ABCF1: variants seen among roughly 807,000 people sequenced by gnomAD.
ABCF1 encodes ATP binding cassette subfamily F member 1.
A neutral mutation model predicts 126.3 loss-of-function variants in ABCF1; 73 were observed. The ratio of observed to expected loss-of-function variants is 0.58; its 90% CI spans 0.48 to 0.70. The LOEUF is 0.70. ABCF1 is among the 30% of genes least tolerant of loss of function. The probability of loss-of-function intolerance (pLI) is 0.00; values close to 1 mark genes in which losing one functional copy is unlikely to be tolerated. For missense variants in ABCF1, 786 were observed against 1,057.5 expected, an observed-to-expected ratio of 0.74 and a Z score of 3.56; for synonymous variants, 345 against 396.4, an observed-to-expected ratio of 0.87 and a Z score of 1.54.
rs1371044290 is a variant in ABCF1, at chr6:30,584,285, G to A, written c.1196G>A (p.Gly399Glu). The A allele has an allele frequency of 6.2e-7, 1 of 1,613,100 alleles. No homozygotes were observed. Among genetic ancestry groups the A allele is most frequent in the East Asian group, 2.2e-5 (1 of 44,884 alleles). Residue 399 changes from glycine to glutamate, a missense_variant, in exon 13 of 25, where the codon GGA (glycine) becomes GAA (glutamate). Gly to Glu is a moderately conservative substitution (Grantham distance 98, BLOSUM62 -2). This residue lies in a region of ABCF1 where 163 missense variants were observed against 255.3 expected (regional missense o/e 0.64). Coordinates refer to ENST00000326195, the MANE Select transcript of ABCF1 (RefSeq NM_001025091.2). The surrounding 1 kb of genome is among the most constrained non-coding windows in gnomAD (Gnocchi z 4.6). The stretch of plus-strand genomic sequence containing the variant: ...CTGGAAGAGGAGCGGCGGCTTCAGG[G>A]ACAGCTGGAACAAGGGGATGACACA... Reference protein sequence around the residue: ...KLLEEERRLQGQLEQGDDTAA... With the variant: ...KLLEEERRLQEQLEQGDDTAA...
Position 30,578,476 on chromosome 6 carries a change from A to G in ABCF1, c.388A>G (p.Asn130Asp). The change falls in exon 6 of 25, where the codon AAT becomes GAT. Residue 130 changes from asparagine (N) to aspartate (D), a missense_variant. Asn to Asp is a conservative substitution (Grantham distance 23, BLOSUM62 1). This residue lies in a region of ABCF1 where 322 missense variants were observed against 322.9 expected (regional missense o/e 1.00). Coordinates refer to ENST00000326195, the MANE Select transcript of ABCF1 (RefSeq NM_001025091.2). ...TGGCCCTTTCATTCTCTAGGGTGGT[A>G]ATGTTTTTGCAGCCCTGATTCAGGA... ...PRGGKKTKGG[N>D]VFAALIQDQS... 1 of 1,613,996 alleles carries G rather than the reference A, an allele frequency of 6.2e-7. No individual in the cohort carries two copies. The highest frequency in any genetic ancestry group is 1.1e-5 in the South Asian group (1 of 91,072).
chr6:30,576,206 A>C (rs993973892), intron 1 of ABCF1, among the ~76,000 whole-genome samples: 1 of 150,160 alleles, frequency 6.7e-6, no homozygotes, highest in Non-Finnish European at 1.5e-5. Context: ...TGCCTCCTTA[A>C]TTAATAAATG....
In ABCF1 at chr6:30,584,129, G is replaced by A; in HGVS notation, c.1103-63G>A. 6.4e-7 allele frequency: 1 copy of A among 1,563,490 alleles called. No homozygotes were observed. The highest frequency in any genetic ancestry group is 8.6e-7 in the Non-Finnish European group (1 of 1,158,268). On this transcript the variant is annotated intron_variant, in intron 12 of 24. Transcript: ENST00000326195. This position sits in a 1 kb window ranked among gnomAD's most constrained non-coding sequence, Gnocchi z 4.6. The stretch of plus-strand genomic sequence containing the variant: ...CAGGCAAAACAGAAATGTAATTGAA[G>A]GGAAAGAAAGATGAGACTCTTGGCT...
At position 30,586,559 on chromosome 6, in the gene ABCF1, G is replaced by A. The variant is rs201817099; in HGVS notation, c.1960+11G>A. 2.0e-4 allele frequency: 328 copies of A among 1,613,206 alleles called. 1 individual carries two copies. The highest frequency in any genetic ancestry group is 2.3e-4 in the Admixed American group (14 of 60,004). On this transcript the variant is annotated intron_variant, in intron 19 of 24. Coordinates refer to ENST00000326195, the MANE Select transcript of ABCF1 (RefSeq NM_001025091.2). This position sits in a 1 kb window ranked among gnomAD's most constrained non-coding sequence, Gnocchi z 4.9. ...ACATGGATTCAAGGAGTGAGTTGGC[G>A]GGGTTGCCTCAGGGATGTGTAGCAG...
At chr6:30,588,829 C>T (rs56204410) in intron 20 of ABCF1, among the ~76,000 whole-genome samples, 2 of 152,124 alleles carry the variant, frequency 1.3e-5, no homozygotes, top group African/African-American at 4.8e-5. Context: ...AAACTTGCCA[C>T]ATGAGGCCCT....
At position 30,585,585 on chromosome 6, in the gene ABCF1, G is replaced by GAC. The variant is rs1561797348; in HGVS notation, c.1503_1504insAC (p.Leu502ThrfsTer2). On this transcript the variant is annotated frameshift_variant, in exon 16 of 25. Transcript: ENST00000326195. LOFTEE classifies it high-confidence loss of function. ...ACCTCCAGGGCTGGCGGAAGACCTT[G>GAC]CTGATCGTCTCCCATGACCAGGGCT... The GAC allele has an allele frequency of 1.2e-6, 2 of 1,612,852 alleles. No homozygotes were observed.
rs761599365 is a variant in ABCF1 at position 30,586,562 on chromosome 6, G to T, written c.1960+14G>T. ...TGGATTCAAGGAGTGAGTTGGCGGG[G>T]TTGCCTCAGGGATGTGTAGCAGGAG... On this transcript the variant is annotated intron_variant, in intron 19 of 24. Transcript: ENST00000326195. The surrounding 1 kb of genome is among the most constrained non-coding windows in gnomAD (Gnocchi z 4.9). The T allele has an allele frequency of 1.9e-6, 3 of 1,613,230 alleles. No individual in the cohort carries two copies. In the South Asian group the frequency reaches 3.3e-5, roughly 18 times the overall value.
At chr6:30,572,142 T>C (rs1398670800) in intron 1 of ABCF1, among the ~76,000 whole-genome samples, 1 of 151,940 alleles carries the variant, frequency 6.6e-6, no homozygotes, top group Non-Finnish European at 1.5e-5. Flanking sequence ...ATACTGTGCT[T>C]TGAGAGGGGA....
At chr6:30,577,477 A>T in intron 2 of ABCF1, 22 bp downstream of exon 2, 1 of 1,611,400 alleles carries the variant, frequency 6.2e-7, no homozygotes, top group Non-Finnish European at 8.5e-7. Flanking sequence ...AGGGTTGAGG[A>T]TAAGAAATGA....
intron 1 of ABCF1, among the ~76,000 whole-genome samples, chr6:30,575,657 A>G (rs1314185711): frequency 6.6e-6 from 1 of 152,076 alleles, no homozygotes; most frequent in Non-Finnish European, 1.5e-5. Flanking sequence ...ACAGACAGGT[A>G]AATATGACAC....
At chr6:30,580,569 G>C (rs1243271078) in intron 8 of ABCF1, 50 bp downstream of exon 8, 3 of 1,110,012 alleles carry the variant, frequency 2.7e-6, no homozygotes, top group Non-Finnish European at 3.7e-6. Context: ...AGGGCTTCCA[G>C]GGTCCTTATG....
rs371428138 is a variant in ABCF1, at chr6:30,586,558, C to A, written c.1960+10C>A. On this transcript the variant is annotated intron_variant, in intron 19 of 24. Coordinates refer to ENST00000326195, the MANE Select transcript of ABCF1 (RefSeq NM_001025091.2). This position sits in a 1 kb window ranked among gnomAD's most constrained non-coding sequence, Gnocchi z 4.9. Reference sequence around the variant, plus strand: ...GACATGGATTCAAGGAGTGAGTTGGCGGGGTTGCCTCAGGGATGTGTAGCA... The same window carrying A: ...GACATGGATTCAAGGAGTGAGTTGGAGGGGTTGCCTCAGGGATGTGTAGCA... 15 of 1,613,058 alleles carry A rather than the reference C, an allele frequency of 9.3e-6. No homozygotes were observed. Among genetic ancestry groups the A allele is most frequent in the Non-Finnish European group, 1.3e-5 (15 of 1,179,974 alleles).
rs369320784 is a variant in ABCF1, at chr6:30,590,689, G to A, written c.2526G>A (p.Arg842=). The change falls in exon 25 of 25, where the codon CGG becomes CGA. Residue 842 remains arginine, a synonymous_variant. Coordinates refer to ENST00000326195, the MANE Select transcript of ABCF1 (RefSeq NM_001025091.2). ...LEALGEVMVS[R]PRE ...CCCTGGGTGAAGTCATGGTCAGCCGGCCCCGAGAGTGAGCTTTCCTTCCCA... is the reference window on the plus strand; with the variant it reads ...CCCTGGGTGAAGTCATGGTCAGCCGACCCCGAGAGTGAGCTTTCCTTCCCA... 4.7e-5 allele frequency: 72 copies of A among 1,543,870 alleles called. No individual in the cohort carries two copies. The highest frequency in any genetic ancestry group is 1.7e-4 in the Middle Eastern group (1 of 5,902).
In ABCF1 at chr6:30,589,973, T is replaced by C; in HGVS notation, c.2232T>C (p.Ser744=). Residue 744 remains serine, a splice_region_variant and synonymous_variant, in exon 22 of 25, where the codon TCT becomes TCC. Coordinates refer to ENST00000326195, the MANE Select transcript of ABCF1 (RefSeq NM_001025091.2). The stretch of plus-strand genomic sequence containing the variant: ...ACACCATCCAGATCTGCAAACTCTC[T>C]GGTACCACTTCAGGGGCCAGGGAGG... ...HAHTIQICKL[S]GGQKARVVFA... The C allele has an allele frequency of 6.2e-7, 1 of 1,612,972 alleles. No individual in the cohort carries two copies. The highest frequency in any genetic ancestry group is 8.5e-7 in the Non-Finnish European group (1 of 1,179,948).
intron 1 of ABCF1, 101 bp from the exon 2 acceptor site, chr6:30,577,308 A>C (rs570845677): frequency 1.9e-4 from 213 of 1,111,860 alleles, no homozygotes; most frequent in Non-Finnish European, 2.0e-4. Context: ...AAGCTAGAAA[A>C]ATAATAAAAT....
chr6:30,576,695 A>G (rs1801522193), intron 1 of ABCF1, among the ~76,000 whole-genome samples: 1 of 151,890 alleles, frequency 6.6e-6, no homozygotes, highest in African/African-American at 2.4e-5. Context: ...TGGATTTCCC[A>G]CTATGCTTAT....
intron 24 of ABCF1, 75 bp from the exon 25 acceptor site, chr6:30,590,460 C>A: frequency 6.3e-7 from 1 of 1,575,646 alleles, no homozygotes; most frequent in Non-Finnish European, 8.6e-7. Flanking sequence ...GGGCCTAGGA[C>A]TCCCTTATTT....
Position 30,578,220 on chromosome 6 carries a change from G to T in ABCF1, c.343+18G>T. On this transcript the variant is annotated intron_variant, in intron 4 of 24. Coordinates refer to ENST00000326195, the MANE Select transcript of ABCF1 (RefSeq NM_001025091.2). ...GGATGAAGGTAAATGACCTGAGGGG[G>T]AATGGGTACCTGGAATCCATGAGTC... 6.2e-7 allele frequency: 1 copy of T among 1,613,746 alleles called. No homozygotes were observed. Among genetic ancestry groups the T allele is most frequent in the Non-Finnish European group, 8.5e-7 (1 of 1,179,854 alleles).
Position 30,589,728 on chromosome 6 carries a change from G to A in ABCF1, c.2064+8G>A. ...AGAAAGAACCACCGGCTGGTAAGTT[G>A]GCATTGGGATTTAGGGAATGATAAT... is the stretch of plus-strand genomic sequence containing the variant. On this transcript the variant is annotated splice_region_variant and intron_variant, in intron 21 of 24. Transcript: ENST00000326195. 1.2e-6 allele frequency: 2 copies of A among 1,614,174 alleles called. No homozygotes were observed. The highest frequency in any genetic ancestry group is 1.3e-5 in the African/African-American group (1 of 75,036).
Sources: allele counts gnomAD v4.1 joint callset (sites outside exome capture counted in the v4.1 genomes callset), GRCh38; gene constraint gnomAD v4.1.1; regional missense constraint gnomAD v4.1.1; non-coding constraint Gnocchi (gnomAD v3.1); transcripts MANE v1.5; gene names NCBI Gene and HGNC (gene_info 2026-07-23, HGNC 2026-07-21).